The following ROBO2 variants were observed in gnomAD, a reference collection of about 807,000 sequenced individuals.
ROBO2 encodes roundabout homolog 2.
ROBO2 carries 53 observed loss-of-function variants against 160.8 expected under a neutral mutation model. The observed-to-expected ratio is 0.33, with a 90% CI of 0.26 to 0.41. The LOEUF is 0.41. Ranked by LOEUF, ROBO2 falls within the 10% of genes least tolerant of loss-of-function variation. The pLI is 1.00. For missense variants in ROBO2, 1,577 were observed against 1,722.4 expected (o/e 0.92, Z 1.49); for synonymous variants, 664 against 611.7 (o/e 1.09, Z -1.26).
At chr3:76,432,058 A>G (rs1483293681) in intron 2 of ROBO2, among the ~76,000 whole-genome samples, 1 of 152,166 alleles carries the variant, frequency 6.6e-6, no homozygotes, top group Non-Finnish European at 1.5e-5. Context: ...GGTAATCATC[A>G]AAGTTGAGTG....
At chr3:76,747,478 A>G (rs763762925) in intron 2 of ROBO2, among the ~76,000 whole-genome samples, 1 of 152,110 alleles carries the variant, frequency 6.6e-6, no homozygotes, top group Non-Finnish European at 1.5e-5. Flanking sequence ...GACCAAAGAA[A>G]AAGGAGGAAA....
Position 76,794,138 on chromosome 3 carries a change from G to C in ROBO2, c.110-303876G>C, listed in dbSNP as rs563401835. Among the ~76,000 whole-genome samples, 21 of 151,874 alleles carry C rather than the reference G, an allele frequency of 1.4e-4. No individual in the cohort carries two copies. In the South Asian group the frequency reaches 3.9e-3, roughly 29 times the overall value. Reference sequence around the variant, plus strand: ...AAAAACGTCTTATTAAAATTTGAATGGTGCAGAATTCATACCAGTACAGCT... The same window carrying C: ...AAAAACGTCTTATTAAAATTTGAATCGTGCAGAATTCATACCAGTACAGCT... On this transcript the variant is annotated intron_variant, in intron 2 of 26. Transcript: ENST00000487694.
At chr3:77,480,759 T>C (rs1002013347) in intron 3 of ROBO2, among the ~76,000 whole-genome samples, 12 of 152,136 alleles carry the variant, frequency 7.9e-5, no homozygotes, top group Admixed American at 6.6e-4. Context: ...ATCTAGTATT[T>C]CTTTCTGATG....
intron 2 of ROBO2, among the ~76,000 whole-genome samples, chr3:76,291,359 G>C (rs1708793675): frequency 6.6e-6 from 1 of 152,040 alleles, no homozygotes; most frequent in Non-Finnish European, 1.5e-5. Context: ...GTCTCTGGGG[G>C]ACTTTATATT....
intron 2 of ROBO2, among the ~76,000 whole-genome samples, chr3:76,806,566 C>T (rs2064738055): frequency 6.6e-6 from 1 of 151,904 alleles, no homozygotes; most frequent in Admixed American, 6.6e-5. Flanking sequence ...ACATCAAAAG[C>T]AACTGCATCT....
At position 77,611,026 on chromosome 3, in the gene ROBO2, C is replaced by T. The variant is rs1005050533; in HGVS notation, c.3293+3072C>T. 7.9e-5 allele frequency among the ~76,000 whole-genome samples: 12 copies of T among 151,682 alleles called. 1 individual carries two copies. The highest frequency in any genetic ancestry group is 3.9e-4 in the Admixed American group (6 of 15,220). ...GAAAACTGCATAGGGTGGCTGGGCGCGGTGGCTCACACCTGTAATCTCAGC... is the reference window on the plus strand; with the variant it reads ...GAAAACTGCATAGGGTGGCTGGGCGTGGTGGCTCACACCTGTAATCTCAGC... On this transcript the variant is annotated intron_variant, in intron 21 of 25. Coordinates refer to ENST00000461745, the Ensembl canonical transcript of ROBO2.
At chr3:76,220,437 A>T (rs1184717218) in intron 2 of ROBO2, among the ~76,000 whole-genome samples, 1 of 152,040 alleles carries the variant, frequency 6.6e-6, no homozygotes, top group Non-Finnish European at 1.5e-5. Flanking sequence ...ATCCTCACAC[A>T]GGGATTAGTG....
At chr3:76,534,907 AAAG>A (rs540671436) in intron 2 of ROBO2, among the ~76,000 whole-genome samples, 14 of 152,124 alleles carry the variant, frequency 9.2e-5, no homozygotes, top group Admixed American at 6.5e-4. Flanking sequence ...AATGGGCTGT[AAAG>A]AAGAAGGTCA....
At chr3:77,482,111 G>A (rs1001679403) in intron 4 of ROBO2, among the ~76,000 whole-genome samples, 2 of 152,072 alleles carry the variant, frequency 1.3e-5, no homozygotes, top group African/African-American at 4.8e-5. Flanking sequence ...ATGTATGTAT[G>A]TGTATGTACA....
intron 2 of ROBO2, among the ~76,000 whole-genome samples, chr3:77,030,586 C>T (rs1351084588): frequency 2.0e-5 from 3 of 152,174 alleles, no homozygotes; most frequent in Non-Finnish European, 1.5e-5. Context: ...AAAGCCTAGA[C>T]CTCCAGAGTC....
At chr3:76,049,410 T>A (rs1353350087) in intron 2 of ROBO2, among the ~76,000 whole-genome samples, 139 of 97,180 alleles carry the variant, frequency 1.4e-3, no homozygotes, top group Non-Finnish European at 2.6e-3. Context: ...TATATTTTTT[T>A]TTTTTTTTTT....
At chr3:77,083,463 A>G (rs914762841) in intron 1 of ROBO2, among the ~76,000 whole-genome samples, 5 of 152,210 alleles carry the variant, frequency 3.3e-5, no homozygotes, top group Non-Finnish European at 7.4e-5. Context: ...GTGTTTGTTT[A>G]AAGAAAAGCA....
intron 2 of ROBO2, among the ~76,000 whole-genome samples, chr3:77,289,724 C>T (rs1021303324): frequency 8.7e-5 from 13 of 148,686 alleles, no homozygotes; most frequent in Non-Finnish European, 1.3e-4. Context: ...GACGGTTAAA[C>T]GGGTAAGCTG....
At chr3:77,077,630 G>A (rs928320574) in intron 1 of ROBO2, among the ~76,000 whole-genome samples, 3 of 152,192 alleles carry the variant, frequency 2.0e-5, no homozygotes, top group Non-Finnish European at 2.9e-5. Flanking sequence ...TTGGTCCGTC[G>A]TCAACTGGAC....
At chr3:76,689,878 T>G (rs1392238283) in intron 2 of ROBO2, among the ~76,000 whole-genome samples, 1 of 152,194 alleles carries the variant, frequency 6.6e-6, no homozygotes, top group Non-Finnish European at 1.5e-5. Flanking sequence ...GACCTTTCTT[T>G]ACTCTTTGCT....
intron 2 of ROBO2, among the ~76,000 whole-genome samples, chr3:77,114,400 CT>C (rs1560040108): frequency 6.6e-6 from 1 of 152,124 alleles, no homozygotes; most frequent in Non-Finnish European, 1.5e-5. Flanking sequence ...CATGAAAAGA[CT>C]TTTTTCTTAT....
intron 2 of ROBO2, among the ~76,000 whole-genome samples, chr3:77,405,261 C>T (rs1401092484): frequency 6.6e-6 from 1 of 152,070 alleles, no homozygotes; most frequent in Non-Finnish European, 1.5e-5. Context: ...CTGATATTTA[C>T]TTATTTTGAT....
chr3:77,465,809 C>G lies in ROBO2; in HGVS notation c.389-11605C>G, dbSNP rs910324519. Among the ~76,000 whole-genome samples the G allele has an allele frequency of 4.6e-5, 7 of 152,164 alleles. No homozygotes were observed. The East Asian group carries it at 1.3e-3, about 29-fold the overall frequency. ...AGTTTGTCTTTAGGAATGTAAGAAA[C>G]TGTGCTTTTCATAAGTAAACAAACA... On this transcript the variant is annotated intron_variant, in intron 2 of 25. Coordinates refer to ENST00000461745, the Ensembl canonical transcript of ROBO2.
intron 2 of ROBO2, among the ~76,000 whole-genome samples, chr3:77,223,415 T>C (rs1423674358): frequency 6.6e-6 from 1 of 152,044 alleles, no homozygotes; most frequent in Non-Finnish European, 1.5e-5. Context: ...ACAGGCGCAA[T>C]AAACATTTTT....
Sources: gnomAD v4.1 joint callset for allele counts (sites outside exome capture counted in the v4.1 genomes callset) on GRCh38, gnomAD v4.1.1 for gene constraint, MANE v1.5 for transcripts, NCBI Gene and HGNC (gene_info 2026-07-23, HGNC 2026-07-21) for gene names.